PTPRN2: variants seen among roughly 807,000 people sequenced by gnomAD.
PTPRN2 encodes protein tyrosine phosphatase receptor type N2.
A neutral mutation model predicts 118.8 loss-of-function variants in PTPRN2; 74 were observed. The observed-to-expected ratio is 0.62, with a 90% CI of 0.52 to 0.76. The LOEUF is 0.76. Among genes scored for constraint, PTPRN2 ranks in the 30% least tolerant of loss-of-function variants. PTPRN2 has a pLI of 0.00. For synonymous variants in PTPRN2, 641 were observed against 608.0 expected, an observed-to-expected ratio of 1.05 and a Z score of -0.80; for missense variants, 1,481 against 1,394.4, an observed-to-expected ratio of 1.06 and a Z score of -0.99.
chr7:158,262,834 C>T (rs1797574596), intron 3 of PTPRN2, among the ~76,000 whole-genome samples: 1 of 149,976 alleles, frequency 6.7e-6, no homozygotes, highest in South Asian at 2.1e-4. Flanking sequence ...CACATTCACA[C>T]ACTACACACA....
chr7:157,866,830 G>A (rs1401214763), intron 12 of PTPRN2, among the ~76,000 whole-genome samples: 1 of 7,438 alleles, frequency 1.3e-4, no homozygotes, highest in Non-Finnish European at 2.5e-4. Flanking sequence ...GGCCACCACC[G>A]CCCCCCCCCG....
intron 13 of PTPRN2, among the ~76,000 whole-genome samples, chr7:157,677,252 T>G (rs1386910341): frequency 1.3e-5 from 2 of 152,162 alleles, no homozygotes; most frequent in Non-Finnish European, 2.9e-5. Context: ...CCCTCCACAT[T>G]TTATGTCTCA....
intron 12 of PTPRN2, among the ~76,000 whole-genome samples, chr7:157,833,442 G>A (rs1378264844): frequency 6.8e-5 from 10 of 148,036 alleles, no homozygotes; most frequent in Non-Finnish European, 1.3e-4. Context: ...GTCCAGGAGC[G>A]AGATGTGGCC....
rs1195398944 is a variant in PTPRN2 at position 157,560,662 on chromosome 7, C to A, written c.2902+8240G>T. 6.6e-6 allele frequency among the ~76,000 whole-genome samples: 1 copy of A among 152,186 alleles called. No homozygotes were observed. Among genetic ancestry groups the A allele is most frequent in the African/African-American group, 2.4e-5 (1 of 41,440 alleles). ...CAGAGGAGGCCCTGCTCCTGCCCGA[C>A]CGAAGGCAACTTCTCCCTTGAAGAG... On this transcript the variant is annotated intron_variant, in intron 21 of 22. Coordinates refer to ENST00000389418, the MANE Select transcript of PTPRN2 (RefSeq NM_002847.5). This position sits in a 1 kb window ranked among gnomAD's most constrained non-coding sequence, Gnocchi z 6.7.
intron 6 of PTPRN2, among the ~76,000 whole-genome samples, chr7:158,151,635 G>A (rs1490626483): frequency 3.3e-5 from 5 of 152,244 alleles, no homozygotes; most frequent in East Asian, 1.9e-4. Context: ...AGCTTCAGGA[G>A]GTGAAATACT....
intron 11 of PTPRN2, among the ~76,000 whole-genome samples, chr7:157,993,101 T>C (rs1804374969): frequency 1.3e-5 from 2 of 152,168 alleles, no homozygotes; most frequent in Non-Finnish European, 2.9e-5. Flanking sequence ...GGGTGGCCTC[T>C]ATTGAGGTGT....
At chr7:157,592,302 C>CTA (rs1390462170) in intron 17 of PTPRN2, among the ~76,000 whole-genome samples, 2 of 152,242 alleles carry the variant, frequency 1.3e-5, no homozygotes, top group East Asian at 3.8e-4. Context: ...TATTCACTAG[C>CTA]CACAGGAATC....
chr7:158,487,397 G>A (rs59744239), intron 2 of PTPRN2, among the ~76,000 whole-genome samples: 6,826 of 152,170 alleles, frequency 0.045, 522 homozygotes, highest in African/African-American at 0.16. Context: ...CATCAGCAGC[G>A]CACAAGTGTT....
At chr7:157,823,071 A>C (rs1563145142) in intron 12 of PTPRN2, among the ~76,000 whole-genome samples, 1 of 151,616 alleles carries the variant, frequency 6.6e-6, no homozygotes, top group Non-Finnish European at 1.5e-5. Flanking sequence ...TTCACCCACT[A>C]TCCATCATCC....
At chr7:157,710,161 G>A (rs1269602835) in intron 12 of PTPRN2, among the ~76,000 whole-genome samples, 1 of 152,154 alleles carries the variant, frequency 6.6e-6, no homozygotes, top group Admixed American at 6.5e-5. Flanking sequence ...TGGGTTATAC[G>A]AACCTAACAA....
intron 3 of PTPRN2, among the ~76,000 whole-genome samples, chr7:158,260,067 TTGTG>T (rs1170013495): frequency 1.3e-5 from 2 of 152,236 alleles, no homozygotes; most frequent in African/African-American, 4.8e-5. Context: ...ATGCACATAT[TTGTG>T]TGTATGTGCG....
At chr7:157,960,988 CA>C (rs1801490198) in intron 11 of PTPRN2, among the ~76,000 whole-genome samples, 1 of 152,160 alleles carries the variant, frequency 6.6e-6, no homozygotes, top group Non-Finnish European at 1.5e-5. Context: ...GCCTGGGTGA[CA>C]GAGCGAGACT....
At chr7:157,758,914 G>A (rs989464174) in intron 12 of PTPRN2, among the ~76,000 whole-genome samples, 4 of 152,358 alleles carry the variant, frequency 2.6e-5, no homozygotes, top group East Asian at 1.9e-4. Context: ...TCCCTGCCAC[G>A]GTACGCCCCT....
At chr7:158,562,134 CAGACCTTG>C (rs1467208588) in intron 1 of PTPRN2, among the ~76,000 whole-genome samples, 1 of 152,206 alleles carries the variant, frequency 6.6e-6, no homozygotes, top group African/African-American at 2.4e-5. Flanking sequence ...CTGGAAACAA[CAGACCTTG>C]ATTTCTCACA....
chr7:158,123,991 G>A lies in PTPRN2; in HGVS notation c.1556+9686C>T, dbSNP rs539471073. ...CTAATCTGATTCAGCCTCAGATCCC[G>A]TGCCGACCCAGGCGGAGCTGGTTCT... On this transcript the variant is annotated intron_variant, in intron 9 of 22. Transcript: ENST00000389418. Among the ~76,000 whole-genome samples the A allele has an allele frequency of 5.1e-4, 78 of 152,236 alleles. 1 individual carries two copies. The South Asian group carries it at 0.012, about 24-fold the overall frequency.
At chr7:158,410,257 C>T (rs1813934002) in intron 2 of PTPRN2, among the ~76,000 whole-genome samples, 1 of 152,160 alleles carries the variant, frequency 6.6e-6, no homozygotes, top group African/African-American at 2.4e-5. Context: ...CCTCTCCCGA[C>T]ACCAAAATGT....
Position 157,986,717 on chromosome 7 carries a change from C to A in PTPRN2, c.1724-87980G>T, listed in dbSNP as rs151274751. 1.3e-5 allele frequency among the ~76,000 whole-genome samples: 2 copies of A among 152,180 alleles called. No individual in the cohort carries two copies. Among genetic ancestry groups the A allele is most frequent in the Admixed American group, 6.5e-5 (1 of 15,286 alleles). On this transcript the variant is annotated intron_variant, in intron 11 of 22. Transcript: ENST00000389418. The surrounding 1 kb of genome is among the most constrained non-coding windows in gnomAD (Gnocchi z 4.5). ...AAATAATGAAGGCTTCACTCTTCCACGGGGTTCTGCCCTTGGAAGAACTAA... is the reference window on the plus strand; with the variant it reads ...AAATAATGAAGGCTTCACTCTTCCAAGGGGTTCTGCCCTTGGAAGAACTAA...
intron 2 of PTPRN2, among the ~76,000 whole-genome samples, chr7:158,379,296 C>A (rs1810780709): frequency 6.6e-6 from 1 of 152,170 alleles, no homozygotes; most frequent in South Asian, 2.1e-4. Flanking sequence ...TACGGTTCTG[C>A]TGTGCAACAC....
At chr7:158,296,040 G>A (rs1047349278) in intron 3 of PTPRN2, among the ~76,000 whole-genome samples, 10 of 152,214 alleles carry the variant, frequency 6.6e-5, no homozygotes, top group African/African-American at 2.4e-4. Context: ...GGTGGAGAAG[G>A]GCGGGTCTCT....
Sources: allele counts gnomAD v4.1 joint callset (sites outside exome capture counted in the v4.1 genomes callset), GRCh38; gene constraint gnomAD v4.1.1; non-coding constraint Gnocchi (gnomAD v3.1); transcripts MANE v1.5; gene names NCBI Gene and HGNC (gene_info 2026-07-23, HGNC 2026-07-21).